Variants in ADCY8 observed in about 807,000 individuals in gnomAD.
ADCY8 encodes adenylate cyclase type 8.
A neutral mutation model predicts 119.7 loss-of-function variants in ADCY8; 51 were observed. The observed-to-expected ratio is 0.43, with a 90% CI of 0.34 to 0.54. The LOEUF (loss-of-function observed/expected upper bound fraction) is 0.54, where lower values mean the gene tolerates loss of function less well. ADCY8 is among the 20% of genes least tolerant of loss of function. The pLI, the probability that ADCY8 is intolerant of heterozygous loss-of-function variation, is 0.03. For synonymous variants in ADCY8, 665 were observed against 651.0 expected (o/e 1.02, Z -0.33); for missense variants, 1,383 against 1,598.8 (o/e 0.87, Z 2.30).
chr8:130,843,904 A>T (rs1336289196), intron 11 of ADCY8, among the ~76,000 whole-genome samples: 1 of 152,178 alleles, frequency 6.6e-6, no homozygotes, highest in Non-Finnish European at 1.5e-5. Flanking sequence ...GTGAGATGGC[A>T]GGAAGGAGAG....
At chr8:130,875,213 C>T (rs1343374170) in intron 8 of ADCY8, among the ~76,000 whole-genome samples, 1 of 152,108 alleles carries the variant, frequency 6.6e-6, no homozygotes, top group Non-Finnish European at 1.5e-5. Flanking sequence ...TCTTATAAGG[C>T]TACTGTCTCA....
At chr8:130,901,681 T>C (rs180779796) in intron 7 of ADCY8, among the ~76,000 whole-genome samples, 18 of 152,342 alleles carry the variant, frequency 1.2e-4, no homozygotes, top group African/African-American at 4.3e-4. Flanking sequence ...ACGGTTTTAA[T>C]TGGCTCAGTA....
At chr8:130,801,062 G>C (rs756574600) in intron 14 of ADCY8, among the ~76,000 whole-genome samples, 6 of 152,150 alleles carry the variant, frequency 3.9e-5, no homozygotes, top group Non-Finnish European at 7.3e-5. Context: ...AGGAATTCTG[G>C]AGGATCATGA....
At chr8:130,880,206 A>C (rs1038888602) in intron 8 of ADCY8, among the ~76,000 whole-genome samples, 2 of 152,172 alleles carry the variant, frequency 1.3e-5, no homozygotes, top group Admixed American at 1.3e-4. Context: ...CAGCAGCATG[A>C]AAATGGACTA....
chr8:130,986,115 A>C (rs543708434), intron 2 of ADCY8, among the ~76,000 whole-genome samples: 1 of 152,290 alleles, frequency 6.6e-6, no homozygotes, highest in Admixed American at 6.5e-5. Flanking sequence ...TAACTCCCTA[A>C]AGAAAGATGC....
At chr8:131,013,771 A>C (rs11997256) in intron 1 of ADCY8, among the ~76,000 whole-genome samples, 80,689 of 152,036 alleles carry the variant, frequency 0.53, 22,318 homozygotes, top group East Asian at 0.72. Flanking sequence ...CAACTTGCCA[A>C]GGGCTTGTTT....
chr8:130,836,320 C>A lies in ADCY8; in HGVS notation c.2632G>T (p.Ala878Ser), dbSNP rs557261841. ...TTGTCATAACGCAGAAAGAGGCCTG[C>A]GTAGACGGTCTCAGTGAGCAGGGCA... is the stretch of plus-strand genomic sequence containing the variant. ...IYALLTETVY[A>S]GLFLRYDNLN... The change falls in exon 12 of 18, where the codon GCA becomes TCA. Residue 878 changes from alanine (A) to serine (S), a missense_variant. By Grantham distance (99) the Ala-to-Ser change is moderately conservative. This residue lies in a region of ADCY8 where 928 missense variants were observed against 1,163.5 expected (regional missense o/e 0.80). Transcript: ENST00000286355. 3.7e-6 allele frequency: 6 copies of A among 1,613,686 alleles called. No homozygotes were observed. Among genetic ancestry groups the A allele is most frequent in the African/African-American group, 1.3e-5 (1 of 74,854 alleles).
chr8:130,787,910 T>C (rs1815308890), intron 15 of ADCY8, among the ~76,000 whole-genome samples: 1 of 152,174 alleles, frequency 6.6e-6, no homozygotes, highest in Non-Finnish European at 1.5e-5. Flanking sequence ...CATGTGTGCA[T>C]GTGTGTGTGC....
chr8:130,876,697 A>T (rs1818578187), intron 8 of ADCY8, among the ~76,000 whole-genome samples: 1 of 149,010 alleles, frequency 6.7e-6, no homozygotes, highest in Admixed American at 6.6e-5. Flanking sequence ...ACATGTGTGG[A>T]TATTTGTGTG....
At chr8:131,006,822 GA>G (rs572669735) in intron 1 of ADCY8, among the ~76,000 whole-genome samples, 189 of 152,318 alleles carry the variant, frequency 1.2e-3, no homozygotes, top group East Asian at 5.2e-3. Context: ...AATTTCCTCA[GA>G]AAGGCATGGG....
chr8:130,947,498 A>T (rs973407201), intron 3 of ADCY8, among the ~76,000 whole-genome samples: 1 of 152,212 alleles, frequency 6.6e-6, no homozygotes, highest in African/African-American at 2.4e-5. Context: ...TGCCATGCGG[A>T]TGGATCTAGA....
At chr8:130,892,581 G>C (rs1819226073) in intron 7 of ADCY8, 1 of 152,098 alleles carries the variant, frequency 6.6e-6, no homozygotes, top group Admixed American at 6.6e-5. Flanking sequence ...TCATTTGGGG[G>C]TTTAGGTCCC....
chr8:131,015,369 GA>G (rs1385727474), intron 1 of ADCY8, among the ~76,000 whole-genome samples: 1 of 152,186 alleles, frequency 6.6e-6, no homozygotes, highest in Non-Finnish European at 1.5e-5. Flanking sequence ...TATCTCTGAT[GA>G]GGTTATATTT....
chr8:130,839,289 C>A (rs1363932627), intron 11 of ADCY8, among the ~76,000 whole-genome samples: 2 of 140,106 alleles, frequency 1.4e-5, no homozygotes, highest in Admixed American at 1.5e-4. Context: ...TCAATTGTGG[C>A]AGCATGCTCT....
At chr8:130,995,682 G>C (rs1271196098) in intron 1 of ADCY8, among the ~76,000 whole-genome samples, 1 of 152,014 alleles carries the variant, frequency 6.6e-6, no homozygotes, top group Non-Finnish European at 1.5e-5. Context: ...TTGCCTTGCT[G>C]ATTCTTCTTA....
intron 2 of ADCY8, among the ~76,000 whole-genome samples, chr8:130,957,089 G>C (rs893453687): frequency 6.6e-6 from 1 of 152,188 alleles, no homozygotes; most frequent in Admixed American, 6.5e-5. Context: ...GCAGAGGTTG[G>C]AACAGTCTGG....
intron 11 of ADCY8, among the ~76,000 whole-genome samples, chr8:130,845,467 A>G (rs1817267000): frequency 6.6e-6 from 1 of 152,158 alleles, no homozygotes; most frequent in Non-Finnish European, 1.5e-5. Flanking sequence ...GAACTGATTC[A>G]AGGTTCCACT....
intron 6 of ADCY8, among the ~76,000 whole-genome samples, chr8:130,905,624 C>T (rs1383207013): frequency 4.6e-5 from 7 of 152,002 alleles, no homozygotes; most frequent in Admixed American, 3.3e-4. Flanking sequence ...CTGAGGAAGC[C>T]GAGACTGGTG....
chr8:130,858,711 G>A (rs975946218), intron 9 of ADCY8, among the ~76,000 whole-genome samples: 3 of 152,132 alleles, frequency 2.0e-5, no homozygotes, highest in South Asian at 2.1e-4. Flanking sequence ...AAAATATGTA[G>A]ACTTTCTCTG....
Sources: allele counts gnomAD v4.1 joint callset (sites outside exome capture counted in the v4.1 genomes callset), GRCh38; gene constraint gnomAD v4.1.1; regional missense constraint gnomAD v4.1.1; transcripts MANE v1.5; gene names NCBI Gene and HGNC (gene_info 2026-07-23, HGNC 2026-07-21).